Variants in NMD3 observed in about 807,000 individuals in gnomAD.
The protein encoded by NMD3 is 60S ribosomal export protein NMD3.
NMD3 carries 47 observed loss-of-function variants against 73.1 expected under a neutral mutation model. The observed-to-expected ratio is 0.64, with a 90% confidence interval of 0.51 to 0.82. The LOEUF is 0.82. Ranked by LOEUF, NMD3 falls within the 40% of genes least tolerant of loss-of-function variation. The probability of loss-of-function intolerance (pLI) is 0.00; values close to 1 mark genes in which losing one functional copy is unlikely to be tolerated. For synonymous variants in NMD3, 210 were observed against 194.5 expected, an observed-to-expected ratio of 1.08 and a Z score of -0.66; for missense variants, 554 against 612.5, an observed-to-expected ratio of 0.90 and a Z score of 1.01.
At chr3:161,236,024 CTGTTT>C (rs1295184344) in intron 7 of NMD3, among the ~76,000 whole-genome samples, 2 of 151,720 alleles carry the variant, frequency 1.3e-5, no homozygotes, top group African/African-American at 4.8e-5. Flanking sequence ...CTATTTAGTT[CTGTTT>C]TGTTTTAATT....
intron 4 of NMD3, among the ~76,000 whole-genome samples, chr3:161,232,715 G>T (rs1165313285): frequency 6.6e-6 from 1 of 151,958 alleles, no homozygotes; most frequent in Non-Finnish European, 1.5e-5. Context: ...CTCCTAACTA[G>T]CCCTTGCATC....
Position 161,241,148 on chromosome 3 carries a change from C to T in NMD3, c.856C>T (p.Pro286Ser). The T allele has an allele frequency of 6.3e-7, 1 of 1,595,394 alleles. No individual in the cohort carries two copies. ...AACCAGTGCCATTCACCTCATTGAT[C>T]CAAACACCCTACAAGGTAAATTCTG... is the stretch of plus-strand genomic sequence containing the variant. ...RVTSAIHLID[P>S]NTLQVADIDG... The change falls in exon 10 of 16, where the codon CCA becomes TCA. Residue 286 changes from proline (P) to serine (S), a missense_variant. By Grantham distance (74) the Pro-to-Ser change is moderately conservative. Transcript: ENST00000351193.
chr3:161,236,219 T>TA (rs1736753054), intron 7 of NMD3, among the ~76,000 whole-genome samples: 1 of 152,146 alleles, frequency 6.6e-6, no homozygotes, highest in Admixed American at 6.5e-5. Context: ...GGTACATACT[T>TA]AGGTGTGGAA....
intron 14 of NMD3, 122 bp from the exon 15 acceptor site, chr3:161,250,134 T>G: frequency 1.7e-6 from 1 of 586,178 alleles, no homozygotes; most frequent in Admixed American, 3.3e-5. Context: ...TATATAAAAT[T>G]GTTTCATGAA....
chr3:161,245,123 A>G (rs1250537646), intron 11 of NMD3, among the ~76,000 whole-genome samples: 1 of 147,474 alleles, frequency 6.8e-6, no homozygotes, highest in Non-Finnish European at 1.5e-5. Context: ...AATAGTATCT[A>G]GAGACTCCCA....
intron 10 of NMD3, 152 bp from the exon 11 acceptor site, chr3:161,242,356 G>T: frequency 1.7e-6 from 1 of 594,954 alleles, no homozygotes; most frequent in South Asian, 2.4e-5. Flanking sequence ...TGGTTTATAG[G>T]AGTAATTGAT....
At chr3:161,221,106 C>G (rs558688557), upstream of NMD3, among the ~76,000 whole-genome samples, 16 of 152,240 alleles carry the variant, frequency 1.1e-4, no homozygotes, top group South Asian at 3.1e-3. Context: ...TAAACCCTGG[C>G]CTGGGAAAAT....
chr3:161,244,516 C>A (rs1366498139), intron 11 of NMD3, among the ~76,000 whole-genome samples: 1 of 152,154 alleles, frequency 6.6e-6, no homozygotes, highest in Non-Finnish European at 1.5e-5. Flanking sequence ...AATTAGCTTA[C>A]ATGTACAGGT....
chr3:161,223,866 A>G (rs1197260738), intron 2 of NMD3, among the ~76,000 whole-genome samples: 1 of 152,254 alleles, frequency 6.6e-6, no homozygotes. Context: ...GGGATAATGA[A>G]TAACAGTGCT....
At chr3:161,235,233 A>G (rs752285149) in intron 7 of NMD3, 21 bp downstream of exon 7, 1 of 1,156,588 alleles carries the variant, frequency 8.6e-7, no homozygotes, top group Non-Finnish European at 1.3e-6. Context: ...ACTCAAAAGC[A>G]TTTGAAATTA....
At position 161,221,981 on chromosome 3, in the gene NMD3, TTTTTTTTA is replaced by T. The variant is rs1226915805; in HGVS notation, c.-20-12_-20-5del. The T allele has an allele frequency of 5.5e-5, 71 of 1,295,170 alleles. No homozygotes were observed. The African/African-American group carries it at 9.5e-4, about 17-fold the overall frequency. 80.2% of individuals were successfully genotyped at this position (1,295,170 alleles called of 1,614,324 possible). ...CTCTTTTTTTTTTTTTTTTTTTTTT[TTTTTTTTA>T]AAAGAACTTAAGGCATACAGAACGA... On this transcript the variant is annotated splice_region_variant and splice_polypyrimidine_tract_variant and intron_variant, in intron 1 of 15. Transcript: ENST00000351193.
chr3:161,238,226 G>C, intron 8 of NMD3, 35 bp downstream of exon 8: 1 of 1,325,092 alleles, frequency 7.5e-7, no homozygotes, highest in Non-Finnish European at 1.1e-6. Context: ...CTAAATCTAA[G>C]GACTTGGGAA....
chr3:161,227,339 G>A lies in NMD3; in HGVS notation c.272G>A (p.Ser91Asn), dbSNP rs1736358896. ...LCLKKIKAPLSKVRLVDAGFV... is the reference protein window; with the variant it reads ...LCLKKIKAPLNKVRLVDAGFV... ...TTGAAAAAAATCAAAGCCCCTCTGAGTAAGGTAAGTTAAACAGCTAAAATC... is the reference window on the plus strand; with the variant it reads ...TTGAAAAAAATCAAAGCCCCTCTGAATAAGGTAAGTTAAACAGCTAAAATC... The change falls in exon 4 of 16, where the codon AGT becomes AAT. Residue 91 changes from serine to asparagine, a missense_variant. Coordinates refer to ENST00000351193, the MANE Select transcript of NMD3 (RefSeq NM_015938.5). 3 of 1,563,330 alleles carry A rather than the reference G, an allele frequency of 1.9e-6. No individual in the cohort carries two copies. Among genetic ancestry groups the A allele is most frequent in the African/African-American group, 1.4e-5 (1 of 73,092 alleles).
chr3:161,249,343 C>T lies in NMD3; in HGVS notation c.1204-111C>T, dbSNP rs929281067. On this transcript the variant is annotated intron_variant, in intron 13 of 15. Transcript: ENST00000351193. ...TGTCTCTCCATCCCTTCTCCTTTCT[C>T]CTGAGGTGTAACCAGTGTCATTAGT... 45 of 647,874 alleles carry T rather than the reference C, an allele frequency of 6.9e-5. No homozygotes were observed. In the South Asian group the frequency reaches 8.7e-4, roughly 13 times the overall value. The allele number at this position is 647,874 out of a possible 1,614,324, so 40.1% of individuals were successfully genotyped here.
chr3:161,236,490 A>G (rs568549948), intron 7 of NMD3, among the ~76,000 whole-genome samples: 2 of 152,270 alleles, frequency 1.3e-5, no homozygotes, highest in Non-Finnish European at 2.9e-5. Flanking sequence ...TGGTTTGCAC[A>G]TATTTTCTCC....
In NMD3 at chr3:161,251,010, AT is replaced by A. The variant is rs1737467278; in HGVS notation, c.*103del. The stretch of plus-strand genomic sequence containing the variant: ...TTGCCTCCAGATTTCAAGAGGAGAA[AT>A]TTAGTTTTAAACCTGAATAAACATG... On this transcript the variant is annotated 3_prime_UTR_variant, in exon 16 of 16. Coordinates refer to ENST00000351193, the MANE Select transcript of NMD3 (RefSeq NM_015938.5). 2 of 940,890 alleles carry A rather than the reference AT, an allele frequency of 2.1e-6. No individual in the cohort carries two copies. The highest frequency in any genetic ancestry group is 3.1e-6 in the Non-Finnish European group (2 of 635,456). The allele number at this position is 940,890 out of a possible 1,614,324, so 58.3% of individuals were successfully genotyped here. A position where few individuals can be genotyped will look rare whatever the true frequency, so the allele number is the denominator to read the frequency against.
chr3:161,245,902 C>T (rs749104130), intron 11 of NMD3, among the ~76,000 whole-genome samples: 1 of 152,042 alleles, frequency 6.6e-6, no homozygotes, highest in Non-Finnish European at 1.5e-5. Context: ...GCTGTTTTGT[C>T]TGGACCCTGA....
At chr3:161,252,994 C>T (rs745551586), downstream of NMD3, 146 of 339,346 alleles carry the variant, frequency 4.3e-4, 2 homozygotes, top group Non-Finnish European at 1.6e-4. Context: ...CTACTCGGGA[C>T]GCTGAGGCAG....
Position 161,252,151 on chromosome 3 carries a change from TTGGTGGTGGCC to T in NMD3, c.*1246_*1256del, listed in dbSNP as rs1737513779. 6.6e-6 allele frequency: 1 copy of T among 152,194 alleles called. No individual in the cohort carries two copies. Among genetic ancestry groups the T allele is most frequent in the African/African-American group, 2.4e-5 (1 of 41,450 alleles). The allele number at this position is 152,194 out of a possible 1,614,324, so 9.4% of individuals were successfully genotyped here. On this transcript the variant is annotated 3_prime_UTR_variant, in exon 16 of 16. Coordinates refer to ENST00000351193, the MANE Select transcript of NMD3 (RefSeq NM_015938.5). The stretch of plus-strand genomic sequence containing the variant: ...TGGATCTAAAAGCCATATCCTGTCT[TTGGTGGTGGCC>T]TGGTAGGAATGGCTTGTCCTAGTTC...
Sources: allele counts gnomAD v4.1 joint callset (sites outside exome capture counted in the v4.1 genomes callset), GRCh38; gene constraint gnomAD v4.1.1; transcripts MANE v1.5; gene names NCBI Gene and HGNC (gene_info 2026-07-23, HGNC 2026-07-21).